Variants in CIMAP2 observed in about 807,000 individuals in gnomAD.
CIMAP2 encodes the protein ciliary microtubule associated protein 2.
At chr1:54,807,566 G>C in the CIMAP2 span, 1 of 1,599,850 alleles carries the variant, frequency 6.3e-7, no homozygotes, top group Non-Finnish European at 8.5e-7. Context: ...AAAGAGACCT[G>C]CTTCAGCAAG....
At chr1:54,831,087 G>A in the CIMAP2 span, among the ~76,000 whole-genome samples, 1 of 152,146 alleles carries the variant, frequency 6.6e-6, no homozygotes, top group Admixed American at 6.5e-5. Flanking sequence ...TATCTAAAAT[G>A]ACACTGAACC....
chr1:54,835,842 A>G, the CIMAP2 span, among the ~76,000 whole-genome samples: 3,713 of 152,096 alleles, frequency 0.024, 162 homozygotes, highest in African/African-American at 0.075. Context: ...CTCTCTGTCC[A>G]GAACACTTTG....
the CIMAP2 span, among the ~76,000 whole-genome samples, chr1:54,829,485 T>A: frequency 1.3e-5 from 2 of 152,182 alleles, no homozygotes; most frequent in African/African-American, 4.8e-5. Context: ...GGCTCAGAAT[T>A]ATGATGCCAG....
At chr1:54,826,527 G>T in the CIMAP2 span, among the ~76,000 whole-genome samples, 1 of 152,190 alleles carries the variant, frequency 6.6e-6, no homozygotes, top group Non-Finnish European at 1.5e-5. Flanking sequence ...TCTCAAAATG[G>T]TGCTGTGCTG....
chr1:54,820,882 C>T, the CIMAP2 span, among the ~76,000 whole-genome samples: 1 of 152,124 alleles, frequency 6.6e-6, no homozygotes, highest in Non-Finnish European at 1.5e-5. Context: ...GATTCTCTTG[C>T]CTCTGCCTCC....
chr1:54,831,654 A>G, the CIMAP2 span, among the ~76,000 whole-genome samples: 5 of 148,908 alleles, frequency 3.4e-5, no homozygotes, highest in African/African-American at 1.3e-4. Context: ...ACTCCATCTC[A>G]AAAAAAAAGA....
chr1:54,824,565 C>T, the CIMAP2 span, among the ~76,000 whole-genome samples: 1 of 151,958 alleles, frequency 6.6e-6, no homozygotes, highest in Non-Finnish European at 1.5e-5. Context: ...CTTTCTTAAT[C>T]TTGTAATTTT....
the CIMAP2 span, among the ~76,000 whole-genome samples, chr1:54,823,767 C>A: frequency 6.6e-6 from 1 of 152,140 alleles, no homozygotes; most frequent in Non-Finnish European, 1.5e-5. Context: ...TGTATGTTTT[C>A]ATGATTGTAG....
chr1:54,807,025 GGAA>G, the CIMAP2 span: 1 of 1,614,116 alleles, frequency 6.2e-7, no homozygotes, highest in Non-Finnish European at 8.5e-7. Context: ...TATCCCAACT[GGAA>G]GAAGTTCAGC....
the CIMAP2 span, among the ~76,000 whole-genome samples, chr1:54,832,618 C>T: frequency 6.6e-6 from 1 of 152,154 alleles, no homozygotes; most frequent in East Asian, 1.9e-4. Context: ...AAATTCATGG[C>T]TTTAGTTGTT....
At chr1:54,813,430 C>T in the CIMAP2 span, among the ~76,000 whole-genome samples, 1 of 152,214 alleles carries the variant, frequency 6.6e-6, no homozygotes, top group Non-Finnish European at 1.5e-5. Flanking sequence ...TCACTGCCGT[C>T]CAAATCCTCT....
the CIMAP2 span, among the ~76,000 whole-genome samples, chr1:54,826,641 G>A: frequency 3.3e-5 from 5 of 152,232 alleles, no homozygotes; most frequent in African/African-American, 1.2e-4. Flanking sequence ...TAGTCTCAGG[G>A]CCTGCAAGGC....
the CIMAP2 span, among the ~76,000 whole-genome samples, chr1:54,824,287 C>T: frequency 1.2e-4 from 18 of 152,314 alleles, no homozygotes; most frequent in African/African-American, 4.1e-4. Context: ...CTCGGCCTCC[C>T]AAAGTGCTGC....
the CIMAP2 span, among the ~76,000 whole-genome samples, chr1:54,820,547 A>G: frequency 6.6e-6 from 1 of 152,122 alleles, no homozygotes; most frequent in African/African-American, 2.4e-5. Flanking sequence ...CATTCCCACC[A>G]AAAGCATGTA....
the CIMAP2 span, among the ~76,000 whole-genome samples, chr1:54,833,672 T>G: frequency 6.6e-6 from 1 of 152,058 alleles, no homozygotes; most frequent in Non-Finnish European, 1.5e-5. Flanking sequence ...TGGGCCAGGT[T>G]TTTCATCTAG....
chr1:54,836,935 A>C, the CIMAP2 span, among the ~76,000 whole-genome samples: 2 of 152,106 alleles, frequency 1.3e-5, no homozygotes, highest in Non-Finnish European at 2.9e-5. Context: ...CAAATCAAGC[A>C]GCCAGTAAGC....
At chr1:54,806,134 T>C in the CIMAP2 span, 1 of 1,544,756 alleles carries the variant, frequency 6.5e-7, no homozygotes. Flanking sequence ...AAAGCCAGGA[T>C]GCCGCCGGAG....
chr1:54,806,442 CTAAG>C, the CIMAP2 span, among the ~76,000 whole-genome samples: 60 of 152,316 alleles, frequency 3.9e-4, 1 homozygote, highest in Admixed American at 1.7e-3. Context: ...CTTTTACCAT[CTAAG>C]TGAGTTCTTT....
chr1:54,814,266 C>G, the CIMAP2 span, among the ~76,000 whole-genome samples: 1 of 152,214 alleles, frequency 6.6e-6, no homozygotes, highest in Non-Finnish European at 1.5e-5. Flanking sequence ...CAGCCAGTGC[C>G]GACCTTCCCC....
Sources: allele counts gnomAD v4.1 joint callset (sites outside exome capture counted in the v4.1 genomes callset), GRCh38; gene constraint gnomAD v4.1.1; transcripts MANE v1.5; gene names NCBI Gene and HGNC (gene_info 2026-07-23, HGNC 2026-07-21).